Variants in ANXA10 observed in about 807,000 individuals in gnomAD.
ANXA10 encodes annexin 14.
Under a neutral mutation model 53.5 loss-of-function variants are expected in ANXA10, and 49 were observed. The observed-to-expected ratio is 0.92, with a 90% CI of 0.73 to 1.16. ANXA10 has a LOEUF of 1.16. ANXA10 is among the 50% of genes most tolerant of loss of function. The pLI, the probability that ANXA10 is intolerant of heterozygous loss-of-function variation, is 0.00. For synonymous variants in ANXA10, 131 were observed against 128.9 expected, an observed-to-expected ratio of 1.02 and a Z score of -0.11; for missense variants, 393 against 394.4, an observed-to-expected ratio of 1.00 and a Z score of 0.03.
chr4:168,157,250 G>A (rs1256874725), intron 3 of ANXA10, among the ~76,000 whole-genome samples: 4 of 151,688 alleles, frequency 2.6e-5, no homozygotes, highest in African/African-American at 9.7e-5. Flanking sequence ...CACAATCAAG[G>A]TATAGATCAT....
chr4:168,151,397 C>CCATTTTATT (rs1339386551), intron 3 of ANXA10, among the ~76,000 whole-genome samples: 1 of 152,132 alleles, frequency 6.6e-6, no homozygotes, highest in Non-Finnish European at 1.5e-5. Context: ...TAAGAAAATG[C>CCATTTTATT]CATTTTATTT....
intron 9 of ANXA10, among the ~76,000 whole-genome samples, chr4:168,180,877 C>A (rs573122976): frequency 3.3e-5 from 5 of 152,144 alleles, no homozygotes; most frequent in Non-Finnish European, 2.9e-5. Flanking sequence ...AGGCTCTAGG[C>A]TGTCCTACCA....
At chr4:168,102,186 G>C (rs536333149) in intron 1 of ANXA10, among the ~76,000 whole-genome samples, 2 of 152,076 alleles carry the variant, frequency 1.3e-5, no homozygotes, top group Non-Finnish European at 2.9e-5. Context: ...GTGGTTATGA[G>C]ATTTATTTGT....
intron 11 of ANXA10, among the ~76,000 whole-genome samples, chr4:168,185,023 A>G (rs772816592): frequency 3.9e-5 from 6 of 152,198 alleles, no homozygotes; most frequent in African/African-American, 1.4e-4. Context: ...GTGTGGTGGC[A>G]CACGCCTGTA....
At chr4:168,137,285 A>AT (rs545245388) in intron 2 of ANXA10, among the ~76,000 whole-genome samples, 8 of 152,162 alleles carry the variant, frequency 5.3e-5, no homozygotes, top group African/African-American at 1.9e-4. Flanking sequence ...TCCTTTCAAT[A>AT]TTTTTTTACA....
intron 3 of ANXA10, among the ~76,000 whole-genome samples, chr4:168,158,623 T>G (rs1370233244): frequency 6.6e-6 from 1 of 152,188 alleles, no homozygotes; most frequent in Admixed American, 6.5e-5. Context: ...CATCCTTGCC[T>G]TGTTCTCAAT....
intron 10 of ANXA10, among the ~76,000 whole-genome samples, chr4:168,184,079 ATAAAAT>A (rs1318721956): frequency 1.3e-5 from 2 of 152,246 alleles, no homozygotes; most frequent in African/African-American, 4.8e-5. Flanking sequence ...TGACAAGAAA[ATAAAAT>A]TAAAATGTTA....
At chr4:168,112,562 C>T (rs1730828308) in intron 1 of ANXA10, among the ~76,000 whole-genome samples, 1 of 152,088 alleles carries the variant, frequency 6.6e-6, no homozygotes, top group African/African-American at 2.4e-5. Flanking sequence ...AAATTTAATA[C>T]ATTAATTATA....
At chr4:168,105,675 T>G (rs1730709453) in intron 1 of ANXA10, among the ~76,000 whole-genome samples, 1 of 152,148 alleles carries the variant, frequency 6.6e-6, no homozygotes, top group Admixed American at 6.6e-5. Flanking sequence ...TGTTTTCAGC[T>G]CCTTCAGGAA....
At chr4:168,154,031 A>G (rs1731558554) in intron 3 of ANXA10, among the ~76,000 whole-genome samples, 1 of 151,678 alleles carries the variant, frequency 6.6e-6, no homozygotes, top group African/African-American at 2.4e-5. Context: ...CGTGCCTCTG[A>G]GTTGAAAACA....
intron 3 of ANXA10, among the ~76,000 whole-genome samples, chr4:168,140,976 G>A (rs1033742782): frequency 5.9e-5 from 9 of 151,984 alleles, no homozygotes; most frequent in Admixed American, 2.0e-4. Context: ...ATACATTTTT[G>A]CTTTTTACAA....
At chr4:168,134,552 C>A (rs1257333843) in intron 2 of ANXA10, among the ~76,000 whole-genome samples, 5 of 152,112 alleles carry the variant, frequency 3.3e-5, no homozygotes, top group Non-Finnish European at 5.9e-5. Context: ...ATTTTAAAAT[C>A]TTCTATTTAT....
intron 1 of ANXA10, among the ~76,000 whole-genome samples, chr4:168,126,816 T>A (rs2149469503): frequency 6.6e-6 from 1 of 152,282 alleles, no homozygotes; most frequent in South Asian, 2.1e-4. Flanking sequence ...ATCACAATCA[T>A]CATGTTTTTT....
At chr4:168,094,299 A>C (rs10004436) in intron 1 of ANXA10, among the ~76,000 whole-genome samples, 12,356 of 152,192 alleles carry the variant, frequency 0.081, 1,674 homozygotes, top group African/African-American at 0.28. Flanking sequence ...ATACCTAAGA[A>C]TCCATTTTAA....
At chr4:168,122,484 T>C (rs370338616) in intron 1 of ANXA10, among the ~76,000 whole-genome samples, 29 of 152,348 alleles carry the variant, frequency 1.9e-4, no homozygotes, top group African/African-American at 6.5e-4. Context: ...CCGAATTCAA[T>C]ATATCATATT....
chr4:168,163,197 G>A (rs1375077974), intron 4 of ANXA10, among the ~76,000 whole-genome samples: 2 of 152,016 alleles, frequency 1.3e-5, no homozygotes, highest in Non-Finnish European at 2.9e-5. Flanking sequence ...TTACAGGAAA[G>A]TCATTTCCAT....
intron 6 of ANXA10, among the ~76,000 whole-genome samples, chr4:168,171,893 C>T (rs1275333267): frequency 6.6e-6 from 1 of 152,110 alleles, no homozygotes. Flanking sequence ...ATGGAAACTA[C>T]CTAATGGATA....
At chr4:168,143,064 A>G (rs1468007668) in intron 3 of ANXA10, among the ~76,000 whole-genome samples, 1 of 152,164 alleles carries the variant, frequency 6.6e-6, no homozygotes, top group African/African-American at 2.4e-5. Flanking sequence ...AAGGAAAAGC[A>G]TCCTTTCATT....
At chr4:168,121,122 TGAG>T (rs1184628752) in intron 1 of ANXA10, among the ~76,000 whole-genome samples, 1 of 152,158 alleles carries the variant, frequency 6.6e-6, no homozygotes, top group African/African-American at 2.4e-5. Context: ...TTTTTAATTC[TGAG>T]TAGTGAGACT....
Sources: gnomAD v4.1 joint callset for allele counts (sites outside exome capture counted in the v4.1 genomes callset) on GRCh38, gnomAD v4.1.1 for gene constraint, MANE v1.5 for transcripts, NCBI Gene and HGNC (gene_info 2026-07-23, HGNC 2026-07-21) for gene names.